SLC9C1: variants seen among roughly 807,000 people sequenced by gnomAD.
SLC9C1 encodes solute carrier family 9 member C1.
A neutral mutation model predicts 140.9 loss-of-function variants in SLC9C1; 97 were observed. That is an observed-to-expected ratio of 0.69 (90% confidence interval 0.58 to 0.82). SLC9C1 has a LOEUF of 0.82. Among genes scored for constraint, SLC9C1 ranks in the 40% least tolerant of loss-of-function variants. The pLI, the probability that SLC9C1 is intolerant of heterozygous loss-of-function variation, is 0.00. For synonymous variants in SLC9C1, 440 were observed against 442.6 expected, an observed-to-expected ratio of 0.99 and a Z score of 0.07; for missense variants, 1,340 against 1,389.3, an observed-to-expected ratio of 0.96 and a Z score of 0.56.
intron 21 of SLC9C1, 134 bp downstream of exon 21, chr3:112,181,999 T>C (rs2077448403): frequency 2.5e-6 from 2 of 814,246 alleles, no homozygotes; most frequent in South Asian, 6.8e-5. Context: ...TTCAAAAGGA[T>C]TTTGATTTTA....
At chr3:112,154,843 A>G (rs944126872) in intron 27 of SLC9C1, among the ~76,000 whole-genome samples, 154 bp downstream of exon 27, 3 of 152,146 alleles carry the variant, frequency 2.0e-5, no homozygotes, top group Non-Finnish European at 4.4e-5. Context: ...TTTCCACTGT[A>G]CCCAGTGCTA....
intron 10 of SLC9C1, among the ~76,000 whole-genome samples, chr3:112,252,673 G>A (rs1489430197): frequency 6.6e-6 from 1 of 152,148 alleles, no homozygotes; most frequent in Non-Finnish European, 1.5e-5. Context: ...CTCAGAAGGT[G>A]GAGTAGACTG....
At chr3:112,242,244 A>C (rs2079156307) in intron 11 of SLC9C1, among the ~76,000 whole-genome samples, 1 of 152,146 alleles carries the variant, frequency 6.6e-6, no homozygotes, top group Non-Finnish European at 1.5e-5. Flanking sequence ...TTAAAGCAAC[A>C]GGCAAAAAAC....
chr3:112,193,407 A>G (rs2077704765), intron 20 of SLC9C1, among the ~76,000 whole-genome samples: 1 of 152,162 alleles, frequency 6.6e-6, no homozygotes, highest in African/African-American at 2.4e-5. Context: ...TTGGGGGCAT[A>G]TCTTTCAGCA....
Position 112,227,018 on chromosome 3 carries a change from T to G in SLC9C1, c.1572+4343A>C, listed in dbSNP as rs182989918. Among the ~76,000 whole-genome samples, 3 of 151,902 alleles carry G rather than the reference T, an allele frequency of 2.0e-5. No homozygotes were observed. In the East Asian group the frequency reaches 5.8e-4, roughly 29 times the overall value. On this transcript the variant is annotated intron_variant, in intron 13 of 28. Coordinates refer to ENST00000305815, the MANE Select transcript of SLC9C1 (RefSeq NM_183061.3). ...ACACAACAACTGAGACCACAGAAATTCAAGCTATCATTACAGACTATTATG... is the reference window on the plus strand; with the variant it reads ...ACACAACAACTGAGACCACAGAAATGCAAGCTATCATTACAGACTATTATG...
At chr3:112,234,573 A>C (rs1361419927) in intron 12 of SLC9C1, among the ~76,000 whole-genome samples, 1 of 152,140 alleles carries the variant, frequency 6.6e-6, no homozygotes, top group Non-Finnish European at 1.5e-5. Context: ...CCTGAATGGT[A>C]TTGCCTAGGT....
chr3:112,161,947 G>C (rs1356587223), intron 26 of SLC9C1, among the ~76,000 whole-genome samples: 2 of 151,652 alleles, frequency 1.3e-5, no homozygotes, highest in Non-Finnish European at 1.5e-5. Flanking sequence ...TTATTTCCTT[G>C]AGCAGTGGTT....
At chr3:112,186,706 TAAC>T (rs763093613) in intron 20 of SLC9C1, among the ~76,000 whole-genome samples, 2 of 152,178 alleles carry the variant, frequency 1.3e-5, no homozygotes, top group East Asian at 1.9e-4. Flanking sequence ...TATGAAAACT[TAAC>T]AAGTTTCAGT....
At chr3:112,165,778 C>T (rs1442845958) in intron 26 of SLC9C1, among the ~76,000 whole-genome samples, 1 of 152,176 alleles carries the variant, frequency 6.6e-6, no homozygotes, top group Admixed American at 6.5e-5. Context: ...GCTAGGAGAA[C>T]CACTACTCTC....
chr3:112,190,586 CA>C (rs1474348581), intron 20 of SLC9C1, among the ~76,000 whole-genome samples: 2 of 151,664 alleles, frequency 1.3e-5, no homozygotes, highest in African/African-American at 4.8e-5. Flanking sequence ...ATTTAATTGG[CA>C]AAAAAATTGT....
chr3:112,185,403 G>C lies in SLC9C1; in HGVS notation c.2524-3145C>G. 5 of 1,025,850 alleles carry C rather than the reference G, an allele frequency of 4.9e-6. No individual in the cohort carries two copies. In the South Asian group the frequency reaches 7.9e-5, roughly 16 times the overall value. The allele number at this position is 1,025,850 out of a possible 1,614,324, so 63.5% of individuals were successfully genotyped here. On this transcript the variant is annotated intron_variant, in intron 20 of 28. Transcript: ENST00000305815. ...GGCCTGCGATGGGGATGGGGAAGCT[G>C]AAAGAGGCACTCAGGGGTGGGGGGG...
At chr3:112,244,111 G>T in intron 10 of SLC9C1, 35 bp from the exon 11 acceptor site, 1 of 1,355,902 alleles carries the variant, frequency 7.4e-7, no homozygotes, top group South Asian at 1.3e-5. Context: ...AAGTATTCAT[G>T]ACAATTTCAT....
At chr3:112,228,603 G>A (rs1257625418) in intron 13 of SLC9C1, among the ~76,000 whole-genome samples, 2 of 152,128 alleles carry the variant, frequency 1.3e-5, no homozygotes, top group South Asian at 2.1e-4. Flanking sequence ...GCAACCTGCA[G>A]AACAAAAAGA....
At chr3:112,206,356 A>C (rs2078048144) in intron 16 of SLC9C1, among the ~76,000 whole-genome samples, 1 of 152,142 alleles carries the variant, frequency 6.6e-6, no homozygotes, top group Non-Finnish European at 1.5e-5. Flanking sequence ...CAGGTGCTGG[A>C]GAGGATGTGG....
chr3:112,260,247 A>T (rs961353401), intron 10 of SLC9C1, among the ~76,000 whole-genome samples: 3 of 151,820 alleles, frequency 2.0e-5, no homozygotes, highest in Non-Finnish European at 4.4e-5. Flanking sequence ...GAAGCTCATA[A>T]CGAAAATTTT....
chr3:112,191,510 T>C (rs1236776592), intron 20 of SLC9C1, among the ~76,000 whole-genome samples: 1 of 152,188 alleles, frequency 6.6e-6, no homozygotes, highest in African/African-American at 2.4e-5. Context: ...TTTGTGTATG[T>C]CAAACAGTCC....
chr3:112,291,344 G>A lies in SLC9C1; in HGVS notation c.-88+2749C>T, dbSNP rs2080676810. Among the ~76,000 whole-genome samples, 3 of 152,132 alleles carry A rather than the reference G, an allele frequency of 2.0e-5. No homozygotes were observed. In the South Asian group the frequency reaches 6.2e-4, roughly 32 times the overall value. On this transcript the variant is annotated intron_variant, in intron 1 of 28. Coordinates refer to ENST00000305815, the MANE Select transcript of SLC9C1 (RefSeq NM_183061.3). The stretch of plus-strand genomic sequence containing the variant: ...AAAGTAAACAGATAACCTACAGAAT[G>A]GGAGAAAATTTTTGCAAACTATGCT...
intron 1 of SLC9C1, among the ~76,000 whole-genome samples, chr3:112,293,500 TA>T (rs1324460331): frequency 6.6e-6 from 1 of 152,178 alleles, no homozygotes; most frequent in African/African-American, 2.4e-5. Context: ...TTGCAAGAAT[TA>T]GGTGAAGAAA....
rs754593548 is a variant in SLC9C1 at position 112,231,415 on chromosome 3, G to A, written c.1518C>T (p.Ile506=). Reference sequence around the variant, plus strand: ...CCAGCTCCATTGCTTCAGTGTTAAAGATCTCATCTATTTCCTTGTTACAGT... The same window carrying A: ...CCAGCTCCATTGCTTCAGTGTTAAAAATCTCATCTATTTCCTTGTTACAGT... ...CPHCNKEIDE[I]FNTEAMELAN... The change falls in exon 13 of 29, where the codon ATC becomes ATT. Residue 506 remains isoleucine, a synonymous_variant. Transcript: ENST00000305815. The A allele has an allele frequency of 1.2e-6, 2 of 1,613,214 alleles. No individual in the cohort carries two copies. Among genetic ancestry groups the A allele is most frequent in the African/African-American group, 1.3e-5 (1 of 74,892 alleles).
Sources: allele counts gnomAD v4.1 joint callset (sites outside exome capture counted in the v4.1 genomes callset), GRCh38; gene constraint gnomAD v4.1.1; transcripts MANE v1.5; gene names NCBI Gene and HGNC (gene_info 2026-07-23, HGNC 2026-07-21).